Variants in RBM20 observed in about 807,000 individuals in gnomAD.
RBM20 encodes the protein RNA-binding protein 20.
RBM20 carries 51 observed loss-of-function variants against 110.1 expected under a neutral mutation model. That is an observed-to-expected ratio of 0.46 (90% CI 0.37 to 0.59). The LOEUF is 0.59. RBM20 is among the 20% of genes least tolerant of loss of function. The probability of loss-of-function intolerance (pLI) is 0.00; values close to 1 mark genes in which losing one functional copy is unlikely to be tolerated. For missense variants in RBM20, 1,512 were observed against 1,574.9 expected (o/e 0.96, Z 0.68); for synonymous variants, 589 against 618.2 (o/e 0.95, Z 0.70).
intron 1 of RBM20, among the ~76,000 whole-genome samples, chr10:110,650,502 G>C (rs1255950711): frequency 6.6e-6 from 1 of 152,194 alleles, no homozygotes; most frequent in Non-Finnish European, 1.5e-5. Context: ...CAAAAGGCAG[G>C]GGGGTCATGC....
intron 6 of RBM20, 148 bp downstream of exon 6, chr10:110,797,796 C>A: frequency 1.2e-6 from 1 of 827,710 alleles, no homozygotes; most frequent in South Asian, 1.8e-5. Flanking sequence ...GGTGTTTTTG[C>A]TGGTGATGTT....
At chr10:110,828,848 TG>T (rs1845014134) in intron 12 of RBM20, among the ~76,000 whole-genome samples, 1 of 152,194 alleles carries the variant, frequency 6.6e-6, no homozygotes, top group Admixed American at 6.5e-5. Flanking sequence ...TTTGTTTGTT[TG>T]TTTTTTTGAC....
intron 1 of RBM20, among the ~76,000 whole-genome samples, chr10:110,705,485 G>A (rs974883907): frequency 3.3e-5 from 5 of 152,180 alleles, no homozygotes; most frequent in Non-Finnish European, 4.4e-5. Flanking sequence ...GCAGGGATTG[G>A]AGATACAAAC....
intron 1 of RBM20, among the ~76,000 whole-genome samples, chr10:110,741,550 C>T (rs578224781): frequency 1.3e-5 from 2 of 152,206 alleles, no homozygotes; most frequent in South Asian, 4.1e-4. Flanking sequence ...ACCTCTACCC[C>T]ATGTCCACTC....
At chr10:110,767,336 G>T (rs1844112618) in intron 1 of RBM20, among the ~76,000 whole-genome samples, 1 of 144,292 alleles carries the variant, frequency 6.9e-6, no homozygotes, top group African/African-American at 2.6e-5. Context: ...TAGCCGGGTG[G>T]GGGGCTGACC....
At chr10:110,671,823 T>C (rs1862264571) in intron 1 of RBM20, among the ~76,000 whole-genome samples, 1 of 152,192 alleles carries the variant, frequency 6.6e-6, no homozygotes, top group African/African-American at 2.4e-5. Flanking sequence ...TTGGTAAAGA[T>C]ATCTTTTAAA....
chr10:110,722,230 G>C, intron 1 of RBM20, among the ~76,000 whole-genome samples: 1 of 152,186 alleles, frequency 6.6e-6, no homozygotes, highest in East Asian at 1.9e-4. Context: ...AACAACAGCA[G>C]GCATTTTTAA....
intron 6 of RBM20, among the ~76,000 whole-genome samples, chr10:110,798,943 T>C (rs1844586992): frequency 6.6e-6 from 1 of 152,082 alleles, no homozygotes; most frequent in Admixed American, 6.5e-5. Context: ...GTCAAAACGG[T>C]CTCTTTGGAA....
chr10:110,712,288 T>A (rs1862943953), intron 1 of RBM20, among the ~76,000 whole-genome samples: 1 of 152,200 alleles, frequency 6.6e-6, no homozygotes, highest in African/African-American at 2.4e-5. Flanking sequence ...ATTGTGTATG[T>A]TTGATTGTGT....
chr10:110,777,858 C>T (rs942821497), intron 1 of RBM20, among the ~76,000 whole-genome samples: 1 of 152,216 alleles, frequency 6.6e-6, no homozygotes, highest in African/African-American at 2.4e-5. Context: ...CAACTTGGCA[C>T]CTCATTATCG....
intron 5 of RBM20, among the ~76,000 whole-genome samples, chr10:110,794,353 C>A (rs1210189169): frequency 6.6e-6 from 1 of 152,180 alleles, no homozygotes; most frequent in Non-Finnish European, 1.5e-5. Flanking sequence ...GAATAGAACA[C>A]ATAAAAATTA....
intron 1 of RBM20, among the ~76,000 whole-genome samples, chr10:110,750,258 T>A (rs1387996580): frequency 6.6e-6 from 1 of 152,200 alleles, no homozygotes; most frequent in African/African-American, 2.4e-5. Context: ...AACCTCAGCA[T>A]GAAAGGTGGA....
chr10:110,781,840 C>G lies in RBM20; in HGVS notation c.1231C>G (p.Pro411Ala), dbSNP rs934431875. The change falls in exon 2 of 14, where the codon CCG becomes GCG. Residue 411 changes from proline (P) to alanine (A), a missense_variant. By Grantham distance (27) the Pro-to-Ala change is conservative (BLOSUM62 -1). This residue lies in a region of RBM20 where 1,149 missense variants were observed against 1,169.4 expected (regional missense o/e 0.98). Transcript: ENST00000369519. ...TCACGGTGTGGCCCCCCTCCACTTG[C>G]CGCATATCTGTAGCATCTGTGACAA... ...DFHGVAPLHL[P>A]HICSICDKKV... The G allele has an allele frequency of 1.3e-6, 2 of 1,551,764 alleles. No individual in the cohort carries two copies. The highest frequency in any genetic ancestry group is 8.7e-7 in the Non-Finnish European group (1 of 1,147,008).
chr10:110,821,661 G>A lies in RBM20; in HGVS notation c.3042G>A (p.Glu1014=). The A allele has an allele frequency of 1.3e-6, 2 of 1,551,802 alleles. No homozygotes were observed. Among genetic ancestry groups the A allele is most frequent in the East Asian group, 2.4e-5 (1 of 40,928 alleles). The change falls in exon 11 of 14, where the codon GAG becomes GAA. Residue 1014 remains glutamate (E), a synonymous_variant. Coordinates refer to ENST00000369519, the MANE Select transcript of RBM20 (RefSeq NM_001134363.3). The part of the protein sequence containing the change: ...LDAERKPAES[E]TGLSLEDSDC... ...CTGAGCGGAAGCCAGCTGAAAGTGAGACAGGCCTCTCCCTGGAGGATTCAG... is the reference window on the plus strand; with the variant it reads ...CTGAGCGGAAGCCAGCTGAAAGTGAAACAGGCCTCTCCCTGGAGGATTCAG...
At chr10:110,661,851 A>G (rs143783383) in intron 1 of RBM20, among the ~76,000 whole-genome samples, 4,498 of 152,136 alleles carry the variant, frequency 0.03, 58 homozygotes, top group Admixed American at 0.049. Context: ...CTCTACTAAA[A>G]ATACAAAAAA....
chr10:110,703,281 G>C (rs1050867337), intron 1 of RBM20, among the ~76,000 whole-genome samples: 1 of 151,842 alleles, frequency 6.6e-6, no homozygotes, highest in Non-Finnish European at 1.5e-5. Flanking sequence ...GGGAGGCTGA[G>C]GCAGGACAAT....
intron 1 of RBM20, among the ~76,000 whole-genome samples, chr10:110,685,351 T>C (rs1862487622): frequency 6.6e-6 from 1 of 152,186 alleles, no homozygotes. Flanking sequence ...TATTTTCGAC[T>C]TGGAGACTGG....
At chr10:110,680,950 TTCTC>T (rs1200411424) in intron 1 of RBM20, among the ~76,000 whole-genome samples, 1 of 152,220 alleles carries the variant, frequency 6.6e-6, no homozygotes, top group Non-Finnish European at 1.5e-5. Context: ...CTGTCTCTTA[TTCTC>T]TCTCTGTATT....
intron 1 of RBM20, among the ~76,000 whole-genome samples, chr10:110,690,934 G>C (rs1258078556): frequency 6.6e-6 from 1 of 152,164 alleles, no homozygotes; most frequent in African/African-American, 2.4e-5. Context: ...ATATACCTAG[G>C]AACAGAATTG....
Sources: allele counts gnomAD v4.1 joint callset (sites outside exome capture counted in the v4.1 genomes callset), GRCh38; gene constraint gnomAD v4.1.1; regional missense constraint gnomAD v4.1.1; transcripts MANE v1.5; gene names NCBI Gene and HGNC (gene_info 2026-07-23, HGNC 2026-07-21).